Variants in FBXW11 observed in about 807,000 individuals in gnomAD.
FBXW11 encodes F-box and WD repeat domain containing 11, also known as F-box/WD repeat-containing protein 11.
FBXW11 carries 19 observed loss-of-function variants against 77.6 expected under a neutral mutation model. The ratio of observed to expected loss-of-function variants is 0.24; its 90% CI spans 0.17 to 0.36. The LOEUF (loss-of-function observed/expected upper bound fraction) is 0.36. Among genes scored for constraint, FBXW11 ranks in the 10% least tolerant of loss-of-function variants. FBXW11 has a pLI of 1.00. For missense variants in FBXW11, 334 were observed against 704.2 expected (o/e 0.47, Z 5.95); for synonymous variants, 235 against 249.4 (o/e 0.94, Z 0.54).
chr5:171,971,142 A>T (rs1157342468), intron 1 of FBXW11, among the ~76,000 whole-genome samples: 1 of 152,170 alleles, frequency 6.6e-6, no homozygotes, highest in East Asian at 1.9e-4. Flanking sequence ...AGTTCCTCTA[A>T]ATCTCTCACA....
chr5:171,944,880 A>G (rs1402048065), intron 2 of FBXW11, among the ~76,000 whole-genome samples: 2 of 152,246 alleles, frequency 1.3e-5, no homozygotes, highest in African/African-American at 4.8e-5. Context: ...ATAATATTAT[A>G]CCAGATAATC....
chr5:171,919,431 A>G lies in FBXW11; in HGVS notation c.148-5026T>C, dbSNP rs528150341. Among the ~76,000 whole-genome samples, 3 of 152,356 alleles carry G rather than the reference A, an allele frequency of 2.0e-5. No homozygotes were observed. The East Asian group carries it at 5.8e-4, about 29-fold the overall frequency. On this transcript the variant is annotated intron_variant, in intron 2 of 13. Coordinates refer to ENST00000517395, the MANE Select transcript of FBXW11 (RefSeq NM_001378974.1). ...CAATATGTGATATTTCATAACTACC[A>G]AATACCACAATACTCTAACGCCTGT...
chr5:171,913,836 C>CACACAT (rs1761053093), intron 3 of FBXW11, among the ~76,000 whole-genome samples: 6 of 138,400 alleles, frequency 4.3e-5, no homozygotes, highest in Middle Eastern at 7.2e-3. Context: ...CACACACACA[C>CACACAT]ACACACACAC....
Position 171,953,562 on chromosome 5 carries a change from A to G in FBXW11, c.147+4035T>C, listed in dbSNP as rs552844000. ...TCCTTACCTAGCCCTGGAATCTAAG[A>G]CTGAAATTCCTTCTTACATGGAGAA... On this transcript the variant is annotated intron_variant, in intron 2 of 13. Coordinates refer to ENST00000517395, the MANE Select transcript of FBXW11 (RefSeq NM_001378974.1). Among the ~76,000 whole-genome samples the G allele has an allele frequency of 3.9e-4, 59 of 152,320 alleles. 3 individuals carry two copies. In the South Asian group the frequency reaches 0.011, roughly 28 times the overall value.
chr5:171,945,160 CATAAA>C (rs1295034232), intron 2 of FBXW11, among the ~76,000 whole-genome samples: 3 of 152,144 alleles, frequency 2.0e-5, no homozygotes, highest in African/African-American at 7.2e-5. Context: ...AATAAAGCAA[CATAAA>C]ATAACAGTGG....
intron 2 of FBXW11, among the ~76,000 whole-genome samples, chr5:171,950,939 A>G (rs942850191): frequency 6.6e-6 from 1 of 152,116 alleles, no homozygotes; most frequent in Non-Finnish European, 1.5e-5. Flanking sequence ...GGGAATTCTG[A>G]TAGTTGTCAG....
intron 2 of FBXW11, among the ~76,000 whole-genome samples, chr5:171,928,167 A>G (rs1445442002): frequency 6.6e-6 from 1 of 152,238 alleles, no homozygotes; most frequent in Non-Finnish European, 1.5e-5. Flanking sequence ...TAAAAATGAG[A>G]GTGCATATAC....
At chr5:171,919,808 T>G (rs1176729525) in intron 2 of FBXW11, among the ~76,000 whole-genome samples, 6 of 152,194 alleles carry the variant, frequency 3.9e-5, no homozygotes, top group Non-Finnish European at 8.8e-5. Flanking sequence ...TATAGCTATT[T>G]GCAGCACAAT....
At chr5:171,944,864 C>T (rs1762928836) in intron 2 of FBXW11, among the ~76,000 whole-genome samples, 1 of 152,122 alleles carries the variant, frequency 6.6e-6, no homozygotes, top group Non-Finnish European at 1.5e-5. Flanking sequence ...CTAACTATGA[C>T]AGCAAATAAT....
intron 2 of FBXW11, among the ~76,000 whole-genome samples, chr5:171,944,320 T>C (rs1270324649): frequency 1.3e-5 from 2 of 151,902 alleles, no homozygotes; most frequent in Non-Finnish European, 2.9e-5. Context: ...CTCACACCTG[T>C]AACCCAGCAC....
chr5:171,872,355 G>A (rs1025262910), intron 10 of FBXW11, among the ~76,000 whole-genome samples: 1 of 152,210 alleles, frequency 6.6e-6, no homozygotes, highest in African/African-American at 2.4e-5. Context: ...AAATGGCATG[G>A]GATAATGAAG....
intron 1 of FBXW11, among the ~76,000 whole-genome samples, chr5:171,966,854 G>C (rs1209443232): frequency 2.0e-5 from 3 of 152,156 alleles, no homozygotes; most frequent in Non-Finnish European, 2.9e-5. Flanking sequence ...TACAAAGTGA[G>C]TACCCTATGG....
intron 1 of FBXW11, among the ~76,000 whole-genome samples, chr5:171,982,470 C>T (rs1037949123): frequency 5.3e-5 from 8 of 152,268 alleles, no homozygotes; most frequent in Non-Finnish European, 8.8e-5. Context: ...TACGGGGTTA[C>T]ATCTTGTTGG....
chr5:172,003,771 C>T (rs1232420496), intron 1 of FBXW11, among the ~76,000 whole-genome samples: 1 of 152,086 alleles, frequency 6.6e-6, no homozygotes, highest in Admixed American at 6.5e-5. Context: ...TCCTAATATA[C>T]TTATCAAAAA....
At chr5:171,975,321 T>C (rs1350589825) in intron 1 of FBXW11, among the ~76,000 whole-genome samples, 4 of 152,162 alleles carry the variant, frequency 2.6e-5, no homozygotes, top group African/African-American at 9.7e-5. Context: ...AGAGGCAGTT[T>C]AGGCAGAGGC....
intron 8 of FBXW11, 144 bp downstream of exon 8, chr5:171,877,867 G>T: frequency 1.5e-6 from 1 of 665,534 alleles, no homozygotes; most frequent in Non-Finnish European, 2.6e-6. Flanking sequence ...CCTAATTTGC[G>T]CAAACATGTC....
At chr5:171,898,806 A>G (rs890035688) in intron 6 of FBXW11, among the ~76,000 whole-genome samples, 198 bp downstream of exon 6, 9 of 152,198 alleles carry the variant, frequency 5.9e-5, no homozygotes, top group African/African-American at 2.2e-4. Flanking sequence ...AAAGTTAGAT[A>G]TTCTTTGCAA....
intron 6 of FBXW11, 129 bp from the exon 7 acceptor site, chr5:171,891,733 T>G: frequency 1.2e-6 from 1 of 819,320 alleles, no homozygotes; most frequent in Non-Finnish European, 1.8e-6. Flanking sequence ...TAACTGTCTG[T>G]GGATAGGATC....
At chr5:171,928,119 T>C (rs971503147) in intron 2 of FBXW11, among the ~76,000 whole-genome samples, 3 of 152,112 alleles carry the variant, frequency 2.0e-5, no homozygotes, top group African/African-American at 7.2e-5. Flanking sequence ...AAATTGGATA[T>C]AGTAAAGGAA....
Sources: gnomAD v4.1 joint callset for allele counts (sites outside exome capture counted in the v4.1 genomes callset) on GRCh38, gnomAD v4.1.1 for gene constraint, MANE v1.5 for transcripts, NCBI Gene and HGNC (gene_info 2026-07-23, HGNC 2026-07-21) for gene names.